The following ZNF438 variants were observed in gnomAD, a reference collection of about 807,000 sequenced individuals.
The protein encoded by ZNF438 is zinc finger protein 438.
A neutral mutation model predicts 38.0 loss-of-function variants in ZNF438; 25 were observed. That is an observed-to-expected ratio of 0.66 (90% confidence interval 0.48 to 0.92). The LOEUF (loss-of-function observed/expected upper bound fraction) is 0.92. Ranked by LOEUF, ZNF438 falls within the 40% of genes least tolerant of loss-of-function variation. The probability of loss-of-function intolerance (pLI) is 0.00; values close to 1 mark genes in which losing one functional copy is unlikely to be tolerated. For missense variants in ZNF438, 1,007 were observed against 999.6 expected, an observed-to-expected ratio of 1.01 and a Z score of -0.10; for synonymous variants, 372 against 364.1, an observed-to-expected ratio of 1.02 and a Z score of -0.25.
intron 2 of ZNF438, among the ~76,000 whole-genome samples, chr10:30,931,296 T>C (rs997244673): frequency 1.3e-5 from 2 of 152,194 alleles, no homozygotes; most frequent in African/African-American, 4.8e-5. Context: ...AATGAGATCA[T>C]TTGAGTTTTT....
At position 30,851,048 on chromosome 10, in the gene ZNF438, G is replaced by C. The variant is rs562923805; in HGVS notation, c.38-681C>G. On this transcript the variant is annotated intron_variant, in intron 4 of 5. Coordinates refer to ENST00000413025, the Ensembl canonical transcript of ZNF438. ...TTCTCACACCTTTCAAACTGTTTAT[G>C]TGTGCTTTTGCAATTAAATCACCAG... is the stretch of plus-strand genomic sequence containing the variant. Among the ~76,000 whole-genome samples the C allele has an allele frequency of 2.6e-4, 39 of 152,300 alleles. 3 individuals are homozygous for C. The South Asian group carries it at 7.2e-3, about 28-fold the overall frequency.
At position 30,846,553 on chromosome 10, in the gene ZNF438, C is replaced by T. The variant is rs73254332; in HGVS notation, c.1875-980G>A. 3.9e-3 allele frequency among the ~76,000 whole-genome samples: 595 copies of T among 152,296 alleles called. 5 individuals carry two copies. The highest frequency in any genetic ancestry group is 0.013 in the African/African-American group (554 of 41,556). ...AGGCAGAGCTGGGCCAGGGGTGGTG[C>T]CACACTTCATGGAGCCAGTGGGAGC... On this transcript the variant is annotated intron_variant, in intron 5 of 5. Transcript: ENST00000413025.
At chr10:30,983,873 A>T (rs186263685) in intron 1 of ZNF438, among the ~76,000 whole-genome samples, 244 of 152,306 alleles carry the variant, frequency 1.6e-3, no homozygotes, top group Middle Eastern at 0.01. Flanking sequence ...GACTTCCTAT[A>T]CACCCTTCAT....
intron 1 of ZNF438, among the ~76,000 whole-genome samples, chr10:30,955,681 A>C (rs2048787602): frequency 6.6e-6 from 1 of 152,210 alleles, no homozygotes; most frequent in African/African-American, 2.4e-5. Context: ...GCAACCAAAA[A>C]TCACCAAGCT....
At chr10:30,863,077 CT>C (rs1361223021) in intron 4 of ZNF438, among the ~76,000 whole-genome samples, 1 of 152,132 alleles carries the variant, frequency 6.6e-6, no homozygotes, top group Non-Finnish European at 1.5e-5. Context: ...TATACCTCAG[CT>C]TTTATGTCAA....
chr10:30,987,867 C>G (rs188653151), intron 1 of ZNF438, among the ~76,000 whole-genome samples: 1 of 152,194 alleles, frequency 6.6e-6, no homozygotes, highest in East Asian at 1.9e-4. Context: ...TTTAAGCCAC[C>G]CAGTATGTCA....
At chr10:31,008,127 C>A (rs1035958876) in intron 1 of ZNF438, among the ~76,000 whole-genome samples, 1 of 152,078 alleles carries the variant, frequency 6.6e-6, no homozygotes, top group Non-Finnish European at 1.5e-5. Flanking sequence ...TGAGTCATGG[C>A]ATAAAAATCA....
At chr10:30,914,359 T>C (rs181291552) in intron 2 of ZNF438, among the ~76,000 whole-genome samples, 1 of 152,076 alleles carries the variant, frequency 6.6e-6, no homozygotes, top group Non-Finnish European at 1.5e-5. Context: ...AAGGCCAACA[T>C]GATGGAATCT....
intron 2 of ZNF438, among the ~76,000 whole-genome samples, chr10:30,933,189 A>G (rs1180843238): frequency 6.6e-6 from 1 of 152,236 alleles, no homozygotes; most frequent in African/African-American, 2.4e-5. Context: ...GGTATAAGTA[A>G]CATTTAAACC....
intron 2 of ZNF438, among the ~76,000 whole-genome samples, chr10:30,916,604 G>C: frequency 6.6e-6 from 1 of 151,876 alleles, no homozygotes; most frequent in Non-Finnish European, 1.5e-5. Context: ...GCAAGATTTT[G>C]GATGGAGTTA....
chr10:30,869,907 G>C (rs919359175), intron 4 of ZNF438, among the ~76,000 whole-genome samples: 3 of 152,182 alleles, frequency 2.0e-5, no homozygotes, highest in Non-Finnish European at 4.4e-5. Flanking sequence ...TAAATGCAAA[G>C]CATCAAATTA....
intron 1 of ZNF438, among the ~76,000 whole-genome samples, chr10:31,024,324 CTT>C (rs149224003): frequency 0.085 from 12,871 of 152,170 alleles, 621 homozygotes; most frequent in Non-Finnish European, 0.11. Flanking sequence ...TAACTGGTAA[CTT>C]TAAAAGATTC....
intron 1 of ZNF438, among the ~76,000 whole-genome samples, chr10:30,985,835 C>T (rs2023099841): frequency 1.3e-5 from 2 of 152,142 alleles, no homozygotes. Context: ...GCTGATCAAA[C>T]ATAACCTCAT....
At chr10:30,949,486 G>A (rs867093127) in intron 1 of ZNF438, among the ~76,000 whole-genome samples, 2 of 152,192 alleles carry the variant, frequency 1.3e-5, no homozygotes, top group Middle Eastern at 3.2e-3. Flanking sequence ...ACCCATCAGT[G>A]TGCTGTATTC....
chr10:31,016,861 G>A (rs1200537533), intron 1 of ZNF438, among the ~76,000 whole-genome samples: 2 of 152,144 alleles, frequency 1.3e-5, no homozygotes, highest in Admixed American at 1.3e-4. Context: ...AGGTGGGAGT[G>A]CATCCTTCTT....
chr10:30,937,263 C>G (rs908973595), intron 2 of ZNF438, among the ~76,000 whole-genome samples: 1 of 152,132 alleles, frequency 6.6e-6, no homozygotes, highest in Non-Finnish European at 1.5e-5. Context: ...AGGAGGCATG[C>G]TTGGGTCTAA....
intron 3 of ZNF438, among the ~76,000 whole-genome samples, chr10:30,878,167 T>C (rs1359203840): frequency 2.0e-5 from 3 of 152,228 alleles, no homozygotes; most frequent in African/African-American, 7.2e-5. Flanking sequence ...CTTCTATCCC[T>C]GTTTGCCTGT....
chr10:31,007,526 C>T (rs1457732303), intron 1 of ZNF438, among the ~76,000 whole-genome samples: 5 of 152,080 alleles, frequency 3.3e-5, no homozygotes, highest in East Asian at 1.9e-4. Context: ...GTGATCTGCC[C>T]GCCTTGGCCT....
intron 4 of ZNF438, among the ~76,000 whole-genome samples, chr10:30,860,237 G>A (rs1250751447): frequency 6.6e-6 from 1 of 152,190 alleles, no homozygotes; most frequent in Admixed American, 6.5e-5. Flanking sequence ...GAGGTCAATA[G>A]CAATCCAAAA....
Sources: allele counts gnomAD v4.1 joint callset (sites outside exome capture counted in the v4.1 genomes callset), GRCh38; gene constraint gnomAD v4.1.1; transcripts MANE v1.5; gene names NCBI Gene and HGNC (gene_info 2026-07-23, HGNC 2026-07-21).